Variants in VPS13B observed in about 807,000 individuals in gnomAD.
VPS13B encodes the protein intermembrane lipid transfer protein VPS13B.
VPS13B carries 285 observed loss-of-function variants against 426.4 expected under a neutral mutation model. The ratio of observed to expected loss-of-function variants is 0.67; its 90% CI spans 0.61 to 0.74. VPS13B has a LOEUF of 0.74. Among genes scored for constraint, VPS13B ranks in the 30% least tolerant of loss-of-function variants. VPS13B has a pLI of 0.00. For missense variants in VPS13B, 4,537 were observed against 4,782.6 expected (o/e 0.95, Z 1.51); for synonymous variants, 1,676 against 1,676.4 (o/e 1.00, Z 0.01).
chr8:99,107,381 A>G (rs1847105241), intron 5 of VPS13B, among the ~76,000 whole-genome samples: 2 of 152,248 alleles, frequency 1.3e-5, no homozygotes, highest in South Asian at 2.1e-4. Flanking sequence ...CCAAAGACCA[A>G]TAAACATAAG....
rs559426013 is a variant in VPS13B, at chr8:99,739,941, C to G, written c.7050+18894C>G. On this transcript the variant is annotated intron_variant, in intron 39 of 61. Transcript: ENST00000357162. The stretch of plus-strand genomic sequence containing the variant: ...ACTCCTCCTCCAAAGGAACGCAGCT[C>G]CTCACCAGCAACAGAACAAAGCTAG... 2.6e-5 allele frequency among the ~76,000 whole-genome samples: 4 copies of G among 152,284 alleles called. No homozygotes were observed. The South Asian group carries it at 6.2e-4, about 24-fold the overall frequency.
At chr8:99,699,092 T>C (rs928911727) in intron 35 of VPS13B, among the ~76,000 whole-genome samples, 1 of 151,928 alleles carries the variant, frequency 6.6e-6, no homozygotes, top group African/African-American at 2.4e-5. Context: ...AGTAATACCA[T>C]TATTTGTGTC....
At chr8:99,606,215 T>A (rs998245185) in intron 33 of VPS13B, among the ~76,000 whole-genome samples, 3 of 152,152 alleles carry the variant, frequency 2.0e-5, no homozygotes, top group Admixed American at 6.5e-5. Context: ...GAAACTTTTT[T>A]AATATTTTGG....
chr8:99,084,606 C>T (rs1453467039), intron 3 of VPS13B, among the ~76,000 whole-genome samples: 1 of 152,118 alleles, frequency 6.6e-6, no homozygotes, highest in Non-Finnish European at 1.5e-5. Context: ...TATAATTTTC[C>T]CTCTACACAC....
At chr8:99,757,492 G>A (rs139132375) in intron 39 of VPS13B, among the ~76,000 whole-genome samples, 73 of 152,294 alleles carry the variant, frequency 4.8e-4, no homozygotes, top group Non-Finnish European at 7.8e-4. Context: ...GTTGGACTGA[G>A]TGGAGAAAGG....
At chr8:99,374,204 G>T (rs940711838) in intron 19 of VPS13B, among the ~76,000 whole-genome samples, 1 of 148,072 alleles carries the variant, frequency 6.8e-6, no homozygotes. Flanking sequence ...TTCTGTGTTT[G>T]GTTTTCTGCT....
At position 99,428,617 on chromosome 8, in the gene VPS13B, T is replaced by G. The variant is rs563878740; in HGVS notation, c.3083-2920T>G. 7.9e-3 allele frequency among the ~76,000 whole-genome samples: 1,209 copies of G among 152,176 alleles called. 10 individuals are homozygous for G. The highest frequency in any genetic ancestry group is 0.014 in the Middle Eastern group (4 of 294). On this transcript the variant is annotated intron_variant, in intron 21 of 61. Coordinates refer to ENST00000357162, the MANE Select transcript of VPS13B (RefSeq NM_152564.5). The stretch of plus-strand genomic sequence containing the variant: ...TCACACCAGTTAGAATGGTGATCAT[T>G]AAAAAGTCAGGAAACAACAGGTGCT...
chr8:99,457,501 T>C (rs1818545802), intron 23 of VPS13B, among the ~76,000 whole-genome samples: 1 of 152,224 alleles, frequency 6.6e-6, no homozygotes, highest in Non-Finnish European at 1.5e-5. Flanking sequence ...TTTTTCTGGG[T>C]TAAGCTAAAG....
intron 33 of VPS13B, among the ~76,000 whole-genome samples, chr8:99,620,642 C>A (rs1362917241): frequency 6.6e-6 from 1 of 151,976 alleles, no homozygotes; most frequent in Non-Finnish European, 1.5e-5. Context: ...TCAGAAGACA[C>A]CCCTCTCAGT....
chr8:99,407,476 T>C (rs961474283), intron 21 of VPS13B, among the ~76,000 whole-genome samples: 12 of 152,106 alleles, frequency 7.9e-5, no homozygotes, highest in African/African-American at 2.7e-4. Flanking sequence ...TCTCTCCTTA[T>C]AATGAGAGCC....
chr8:99,579,514 C>T (rs1825944194), intron 33 of VPS13B, among the ~76,000 whole-genome samples: 1 of 152,048 alleles, frequency 6.6e-6, no homozygotes, highest in South Asian at 2.1e-4. Flanking sequence ...TCTCCTGCCT[C>T]AGTATCCCAC....
At chr8:99,666,361 A>G (rs964041808) in intron 35 of VPS13B, among the ~76,000 whole-genome samples, 4 of 152,192 alleles carry the variant, frequency 2.6e-5, no homozygotes, top group South Asian at 2.1e-4. Flanking sequence ...ACCAAAAGAG[A>G]GAATTTTACA....
At chr8:99,774,762 T>G (rs952330187) in intron 40 of VPS13B, among the ~76,000 whole-genome samples, 1 of 152,222 alleles carries the variant, frequency 6.6e-6, no homozygotes, top group Non-Finnish European at 1.5e-5. Context: ...AATACAAGTT[T>G]TAATTTTATC....
intron 58 of VPS13B, among the ~76,000 whole-genome samples, chr8:99,867,609 G>A (rs915883771): frequency 3.3e-5 from 5 of 152,142 alleles, no homozygotes; most frequent in African/African-American, 1.2e-4. Context: ...ACAGCTGTGT[G>A]ACCTTGGGAA....
chr8:99,597,237 C>T (rs1038730865), intron 33 of VPS13B, among the ~76,000 whole-genome samples: 2 of 151,928 alleles, frequency 1.3e-5, no homozygotes, highest in African/African-American at 4.8e-5. Flanking sequence ...GTACTCCATC[C>T]TCCTGACATT....
intron 35 of VPS13B, among the ~76,000 whole-genome samples, chr8:99,688,158 G>A (rs1474198758): frequency 7.7e-6 from 1 of 130,054 alleles, no homozygotes. Context: ...TTTTTTATCT[G>A]AGGAGCTTGT....
At chr8:99,851,639 C>G (rs1044164271) in intron 55 of VPS13B, among the ~76,000 whole-genome samples, 2 of 151,968 alleles carry the variant, frequency 1.3e-5, no homozygotes, top group African/African-American at 2.4e-5. Context: ...GAGGGCACAG[C>G]CAGTTCAAAG....
At chr8:99,130,541 C>A (rs1809729020) in intron 8 of VPS13B, among the ~76,000 whole-genome samples, 2 of 151,954 alleles carry the variant, frequency 1.3e-5, no homozygotes, top group Non-Finnish European at 2.9e-5. Flanking sequence ...GTGCCCGCCA[C>A]CATGCCCGGC....
chr8:99,414,077 T>C (rs1407538237), intron 21 of VPS13B, among the ~76,000 whole-genome samples: 1 of 152,216 alleles, frequency 6.6e-6, no homozygotes, highest in Non-Finnish European at 1.5e-5. Flanking sequence ...TCTTTGTATG[T>C]CTCTAAGAAC....
Sources: allele counts gnomAD v4.1 joint callset (sites outside exome capture counted in the v4.1 genomes callset), GRCh38; gene constraint gnomAD v4.1.1; transcripts MANE v1.5; gene names NCBI Gene and HGNC (gene_info 2026-07-23, HGNC 2026-07-21).